The following CYREN variants were observed in gnomAD, a reference collection of about 807,000 sequenced individuals.
The protein encoded by CYREN is cell cycle regulator of non-homologous end joining.
A neutral mutation model predicts 9.7 loss-of-function variants in CYREN; 7 were observed. The observed-to-expected ratio is 0.72, with a 90% confidence interval of 0.41 to 1.36. The LOEUF is 1.36. CYREN is among the 40% of genes most tolerant of loss of function. The probability of loss-of-function intolerance (pLI) is 0.01; values close to 1 mark genes in which losing one functional copy is unlikely to be tolerated. For synonymous variants in CYREN, 76 were observed against 77.9 expected (o/e 0.98, Z 0.13); for missense variants, 215 against 198.1 (o/e 1.09, Z -0.51).
At chr7:135,164,852 T>C, downstream of CYREN, 2 of 1,613,956 alleles carry the variant, frequency 1.2e-6, no homozygotes, top group Middle Eastern at 1.6e-4. Context: ...TCCTCTCCTA[T>C]GTGTGGAAGT....
chr7:135,139,477 A>G (rs1334619515), intron 2 of CYREN, among the ~76,000 whole-genome samples: 2 of 149,926 alleles, frequency 1.3e-5, no homozygotes, highest in Non-Finnish European at 3.0e-5. Flanking sequence ...TTAATATTTG[A>G]CCTTTCTTAG....
At chr7:135,123,858 C>G (rs1471720756) in intron 2 of CYREN, among the ~76,000 whole-genome samples, 1 of 152,122 alleles carries the variant, frequency 6.6e-6, no homozygotes, top group African/African-American at 2.4e-5. Context: ...GGTTTCATTA[C>G]CACCATGGCT....
chr7:135,144,938 TAAAAAAAAAAAAAAAAAAAA>T (rs58443282), intron 2 of CYREN, among the ~76,000 whole-genome samples: 10 of 45,618 alleles, frequency 2.2e-4, no homozygotes, highest in East Asian at 1.1e-3. Context: ...CTCAAAAGAG[TAAAAAAAAAAAAAAAAAAAA>T]AAAAAAAAAA....
chr7:135,094,917 C>T (rs968254823), intron 2 of CYREN, among the ~76,000 whole-genome samples: 1 of 152,158 alleles, frequency 6.6e-6, no homozygotes, highest in Non-Finnish European at 1.5e-5. Context: ...TATACAGAAT[C>T]CCTTAAAGAC....
intron 2 of CYREN, among the ~76,000 whole-genome samples, chr7:135,106,010 A>G (rs1485024076): frequency 6.6e-6 from 1 of 151,894 alleles, no homozygotes; most frequent in East Asian, 1.9e-4. Flanking sequence ...TATGAATGGG[A>G]TTGTGTTCCT....
downstream of CYREN, chr7:135,164,555 C>A: frequency 6.2e-7 from 1 of 1,614,198 alleles, no homozygotes; most frequent in Non-Finnish European, 8.5e-7. Flanking sequence ...AGGCTGGCAA[C>A]CTCACTGACC....
chr7:135,171,022 C>A (rs888812740), upstream of CYREN, among the ~76,000 whole-genome samples: 1 of 152,208 alleles, frequency 6.6e-6, no homozygotes, highest in African/African-American at 2.4e-5. Flanking sequence ...AAAGGCCCGC[C>A]GGGAATTCCC....
intron 2 of CYREN, among the ~76,000 whole-genome samples, chr7:135,108,507 T>G (rs555853322): frequency 6.6e-6 from 1 of 152,324 alleles, no homozygotes; most frequent in Non-Finnish European, 1.5e-5. Context: ...TCAAAATTTT[T>G]TTCTTTAAGA....
chr7:135,131,543 T>C (rs1249624301), intron 2 of CYREN, among the ~76,000 whole-genome samples: 8 of 152,050 alleles, frequency 5.3e-5, no homozygotes, highest in South Asian at 4.2e-4. Flanking sequence ...AAGTGAGATA[T>C]AGCTAAAGCA....
At chr7:135,132,015 A>G (rs1320246451) in intron 2 of CYREN, among the ~76,000 whole-genome samples, 1 of 152,158 alleles carries the variant, frequency 6.6e-6, no homozygotes, top group Non-Finnish European at 1.5e-5. Context: ...GTAACTAATA[A>G]GGAAATTGAT....
chr7:135,132,122 C>T (rs1050803657), intron 2 of CYREN, among the ~76,000 whole-genome samples: 1 of 152,114 alleles, frequency 6.6e-6, no homozygotes, highest in African/African-American at 2.4e-5. Context: ...CAATTCTATA[C>T]AATTTCTTCC....
downstream of CYREN, among the ~76,000 whole-genome samples, chr7:135,161,587 A>C (rs1442745698): frequency 1.3e-5 from 2 of 152,214 alleles, no homozygotes; most frequent in Non-Finnish European, 2.9e-5. This position sits in a 1 kb window ranked among gnomAD's most constrained non-coding sequence, Gnocchi z 4.1. Flanking sequence ...AAAACCATAC[A>C]AAATATGTTC....
downstream of CYREN, among the ~76,000 whole-genome samples, chr7:135,163,656 A>C (rs1416309650): frequency 1.3e-5 from 2 of 152,198 alleles, no homozygotes; most frequent in Non-Finnish European, 2.9e-5. Context: ...AAAACAAACA[A>C]ACAAACAAAA....
At chr7:135,119,757 G>A (rs1197792292) in intron 2 of CYREN, among the ~76,000 whole-genome samples, 5 of 152,108 alleles carry the variant, frequency 3.3e-5, no homozygotes, top group Admixed American at 2.0e-4. Context: ...GGTGCCTGTA[G>A]TTCCAGCTAC....
chr7:135,138,798 T>C (rs1420494632), intron 2 of CYREN, among the ~76,000 whole-genome samples: 1 of 151,996 alleles, frequency 6.6e-6, no homozygotes, highest in Non-Finnish European at 1.5e-5. Flanking sequence ...ATTGTGTCCA[T>C]GTGTACCTAA....
intron 2 of CYREN, among the ~76,000 whole-genome samples, chr7:135,132,436 C>G (rs1015240149): frequency 6.6e-6 from 1 of 152,102 alleles, no homozygotes; most frequent in African/African-American, 2.4e-5. Context: ...TTAATTGGCA[C>G]AGAAATTGGT....
chr7:135,160,411 A>C (rs1430368339), intron 2 of CYREN, among the ~76,000 whole-genome samples: 1 of 152,238 alleles, frequency 6.6e-6, no homozygotes, highest in African/African-American at 2.4e-5. Context: ...TTGTTTAAGA[A>C]AAGAAAAACA....
intron 2 of CYREN, among the ~76,000 whole-genome samples, chr7:135,118,444 T>C (rs892544543): frequency 6.6e-6 from 1 of 152,184 alleles, no homozygotes; most frequent in Non-Finnish European, 1.5e-5. Flanking sequence ...GCCTCCTATC[T>C]CTGGTGTCAA....
chr7:135,119,370 T>G (rs760717631), intron 2 of CYREN, among the ~76,000 whole-genome samples: 1 of 131,068 alleles, frequency 7.6e-6, no homozygotes, highest in Non-Finnish European at 1.6e-5. Context: ...GCTGGGGTTA[T>G]AGGCACCCAC....
Sources: gnomAD v4.1 joint callset for allele counts (sites outside exome capture counted in the v4.1 genomes callset) on GRCh38, gnomAD v4.1.1 for gene constraint, Gnocchi (gnomAD v3.1) non-coding constraint, MANE v1.5 for transcripts, NCBI Gene and HGNC (gene_info 2026-07-23, HGNC 2026-07-21) for gene names.